Variants in CDK14 observed in about 807,000 individuals in gnomAD.
CDK14 encodes cyclin dependent kinase 14.
In CDK14, 34 loss-of-function variants were observed where a neutral mutation model predicts 60.7. That is an observed-to-expected ratio of 0.56 (90% CI 0.43 to 0.75). The LOEUF (loss-of-function observed/expected upper bound fraction) is 0.75. Ranked by LOEUF, CDK14 falls within the 30% of genes least tolerant of loss-of-function variation. CDK14 has a pLI of 0.00. For missense variants in CDK14, 482 were observed against 564.1 expected (o/e 0.85, Z 1.47); for synonymous variants, 197 against 203.7 (o/e 0.97, Z 0.28).
chr7:90,919,491 AT>A (rs1224291043), intron 8 of CDK14, among the ~76,000 whole-genome samples: 1 of 152,106 alleles, frequency 6.6e-6, no homozygotes, highest in Non-Finnish European at 1.5e-5. Flanking sequence ...AATTTAGATG[AT>A]TTTTTTAGAA....
At position 91,210,369 on chromosome 7, in the gene CDK14, G is replaced by A. The variant is rs1484810534; in HGVS notation, c.*3233G>A. On this transcript the variant is annotated 3_prime_UTR_variant, in exon 15 of 15. Transcript: ENST00000380050. ...TTTTTTGTATGATGCACTGAGATGT[G>A]TACTTTCTAACAGGGGATTGGTACC... is the stretch of plus-strand genomic sequence containing the variant. 2 of 151,454 alleles carry A rather than the reference G, an allele frequency of 1.3e-5. No homozygotes were observed. Among genetic ancestry groups the A allele is most frequent in the Admixed American group, 1.3e-4 (2 of 15,172 alleles). 9.4% of individuals were successfully genotyped at this position (151,454 alleles called of 1,614,324 possible).
intron 5 of CDK14, among the ~76,000 whole-genome samples, chr7:90,855,103 A>G (rs1286716394): frequency 6.6e-6 from 1 of 152,254 alleles, no homozygotes; most frequent in Admixed American, 6.5e-5. Context: ...GGAGACAGCA[A>G]GATTGAAAAT....
At chr7:91,055,487 T>C (rs866390795) in intron 11 of CDK14, among the ~76,000 whole-genome samples, 7 of 152,304 alleles carry the variant, frequency 4.6e-5, no homozygotes, top group South Asian at 4.1e-4. Flanking sequence ...AAAAAAGTAG[T>C]AAGATTAAAT....
chr7:90,672,502 G>GTTTTTTTT (rs201978996), intron 2 of CDK14, among the ~76,000 whole-genome samples: 1 of 49,996 alleles, frequency 2.0e-5, no homozygotes, highest in Non-Finnish European at 3.4e-5. Context: ...TTCTTCTTCT[G>GTTTTTTTT]TTTTTTTTTT....
At chr7:90,670,290 G>A (rs1801069200) in intron 2 of CDK14, among the ~76,000 whole-genome samples, 3 of 152,162 alleles carry the variant, frequency 2.0e-5, no homozygotes, top group African/African-American at 7.2e-5. Flanking sequence ...GGATCATTTA[G>A]TTCAACTAAT....
chr7:90,991,028 T>G lies in CDK14; in HGVS notation c.1041+6787T>G, dbSNP rs568542699. On this transcript the variant is annotated intron_variant, in intron 10 of 14. Coordinates refer to ENST00000380050, the MANE Select transcript of CDK14 (RefSeq NM_001287135.2). ...CCAGGAAACCAGGTCAGAAAGATGT[T>G]GCAAAACGATTGTTACACATCTTGG... Among the ~76,000 whole-genome samples, 5 of 152,272 alleles carry G rather than the reference T, an allele frequency of 3.3e-5. No individual in the cohort carries two copies. In the South Asian group the frequency reaches 1.0e-3, roughly 32 times the overall value.
intron 2 of CDK14, among the ~76,000 whole-genome samples, chr7:90,694,066 G>A (rs1301766468): frequency 1.3e-5 from 2 of 152,196 alleles, no homozygotes; most frequent in African/African-American, 4.8e-5. Context: ...AAGGAAGGAA[G>A]ACTGGATGAC....
At chr7:90,693,761 G>A (rs1308204859) in intron 2 of CDK14, among the ~76,000 whole-genome samples, 1 of 152,084 alleles carries the variant, frequency 6.6e-6, no homozygotes, top group African/African-American at 2.4e-5. Context: ...TATATTCTTT[G>A]TTCATTCATC....
chr7:91,117,999 TAA>T, intron 13 of CDK14, 64 bp from the exon 14 acceptor site: 17 of 851,448 alleles, frequency 2.0e-5, no homozygotes, highest in South Asian at 9.4e-5. Context: ...TCCATTTTTT[TAA>T]AAAAAAAACA....
chr7:90,842,001 C>T lies in CDK14; in HGVS notation c.545-21174C>T, dbSNP rs182002906. Among the ~76,000 whole-genome samples the T allele has an allele frequency of 2.9e-3, 446 of 152,054 alleles. 2 individuals carry two copies. The highest frequency in any genetic ancestry group is 0.01 in the African/African-American group (420 of 41,460). On this transcript the variant is annotated intron_variant, in intron 5 of 14. Transcript: ENST00000380050. Reference sequence around the variant, plus strand: ...TTTTTTTAAAAAATAATCATAACACCTTGGAGTGCCCTTAGCAACAAGCAT... The same window carrying T: ...TTTTTTTAAAAAATAATCATAACACTTTGGAGTGCCCTTAGCAACAAGCAT...
intron 14 of CDK14, among the ~76,000 whole-genome samples, chr7:91,180,865 G>C (rs1584181405): frequency 6.6e-6 from 1 of 152,288 alleles, no homozygotes; most frequent in East Asian, 1.9e-4. Context: ...TTAAACATAT[G>C]CAAAAGTAGA....
chr7:90,613,475 T>G (rs1563015995), intron 2 of CDK14, among the ~76,000 whole-genome samples: 1 of 151,740 alleles, frequency 6.6e-6, no homozygotes, highest in Non-Finnish European at 1.5e-5. Flanking sequence ...TCACTTGAGG[T>G]CAGGAGTTTG....
At chr7:90,722,377 T>C (rs1194609716) in intron 2 of CDK14, among the ~76,000 whole-genome samples, 3 of 152,104 alleles carry the variant, frequency 2.0e-5, no homozygotes, top group Admixed American at 1.3e-4. Context: ...CTAATTTTTA[T>C]ATTTGTTTTG....
chr7:90,794,149 A>C (rs572178880), intron 5 of CDK14, among the ~76,000 whole-genome samples: 1 of 152,114 alleles, frequency 6.6e-6, no homozygotes, highest in African/African-American at 2.4e-5. Flanking sequence ...AGTGATTTTC[A>C]AAAGGGGAGG....
intron 14 of CDK14, among the ~76,000 whole-genome samples, chr7:91,173,948 G>T (rs1801625621): frequency 6.6e-6 from 1 of 152,196 alleles, no homozygotes; most frequent in Non-Finnish European, 1.5e-5. Context: ...ACTGGGTGGA[G>T]CCCACCACAG....
At chr7:91,072,118 T>A (rs936480845) in intron 11 of CDK14, among the ~76,000 whole-genome samples, 1 of 152,126 alleles carries the variant, frequency 6.6e-6, no homozygotes, top group Admixed American at 6.5e-5. Context: ...GCAGCCCAGA[T>A]GAGTAGGTTT....
chr7:91,205,943 A>G (rs1372767393), intron 14 of CDK14, among the ~76,000 whole-genome samples: 1 of 151,936 alleles, frequency 6.6e-6, no homozygotes, highest in African/African-American at 2.4e-5. Flanking sequence ...CTACAGGCAC[A>G]CACCACCACG....
At chr7:90,887,259 C>G (rs1307237871) in intron 6 of CDK14, among the ~76,000 whole-genome samples, 2 of 152,056 alleles carry the variant, frequency 1.3e-5, no homozygotes, top group Non-Finnish European at 2.9e-5. Context: ...TTGGTGTGAT[C>G]CTTTTCTCGT....
chr7:91,025,957 A>G (rs1211692940), intron 10 of CDK14, among the ~76,000 whole-genome samples: 7 of 152,186 alleles, frequency 4.6e-5, no homozygotes, highest in African/African-American at 1.7e-4. Context: ...TTTATTGATA[A>G]GAAAGAGCCA....
Sources: gnomAD v4.1 joint callset for allele counts (sites outside exome capture counted in the v4.1 genomes callset) on GRCh38, gnomAD v4.1.1 for gene constraint, MANE v1.5 for transcripts, NCBI Gene and HGNC (gene_info 2026-07-23, HGNC 2026-07-21) for gene names.